Variants in KRT19 observed in about 807,000 individuals in gnomAD.
The protein encoded by KRT19 is keratin 19, also known as keratin, type I cytoskeletal 19.
In KRT19, 21 loss-of-function variants were observed where a neutral mutation model predicts 34.6. The observed-to-expected ratio is 0.61, with a 90% CI of 0.43 to 0.87. The LOEUF (loss-of-function observed/expected upper bound fraction) is 0.87. Ranked by LOEUF, KRT19 falls within the 40% of genes least tolerant of loss-of-function variation. KRT19 has a pLI of 0.00. For missense variants in KRT19, 514 were observed against 545.7 expected (o/e 0.94, Z 0.58); for synonymous variants, 240 against 245.8 (o/e 0.98, Z 0.22).
chr17:41,528,145 T>G lies in KRT19; in HGVS notation c.103A>C (p.Ser35Arg). The G allele has an allele frequency of 1.2e-6, 2 of 1,601,492 alleles. No individual in the cohort carries two copies. Among genetic ancestry groups the G allele is most frequent in the Non-Finnish European group, 8.5e-7 (1 of 1,176,948 alleles). Reference sequence around the variant, plus strand: ...CGGCCGCCGGAGCCCCCGTGAATGCTGGGCGCGCGAAAGGCGACCCCCGGC... The same window carrying G: ...CGGCCGCCGGAGCCCCCGTGAATGCGGGGCGCGCGAAAGGCGACCCCCGGC... Reference protein sequence around the residue: ...FGPGVAFRAPSIHGGSGGRGV... With the variant: ...FGPGVAFRAPRIHGGSGGRGV... Residue 35 changes from serine to arginine, a missense_variant, in exon 1 of 6, where the codon AGC becomes CGC. Coordinates refer to ENST00000361566, the MANE Select transcript of KRT19 (RefSeq NM_002276.5).
rs773869930 is a variant in KRT19, at chr17:41,524,237, TG to T, written c.853del (p.His285ThrfsTer7). On this transcript the variant is annotated frameshift_variant, in exon 5 of 6. Transcript: ENST00000361566. LOFTEE classifies it high-confidence loss of function. ...TEELNREVAG[H>X]TEQLQMSRSE... ...CCTGCTCATCTGGAGCTGCTCCGTG[TG>T]GCCAGCGACCTCCCGGTTCAATTCT... 9.3e-6 allele frequency: 15 copies of T among 1,613,970 alleles called. No homozygotes were observed. The highest frequency in any genetic ancestry group is 1.3e-5 in the Non-Finnish European group (15 of 1,180,008).
intron 2 of KRT19, 64 bp from the exon 3 acceptor site, chr17:41,525,063 T>C: frequency 6.3e-7 from 1 of 1,595,654 alleles, no homozygotes. Context: ...CTTCCCTACC[T>C]CCCCAGAGTT....
At position 41,524,533 on chromosome 17, in the gene KRT19, C is replaced by T. The variant is rs2144534185; in HGVS notation, c.668G>A (p.Ser223Asn). The change falls in exon 4 of 6, where the codon AGT becomes AAT. Residue 223 changes from serine to asparagine, a missense_variant. Transcript: ENST00000361566. ...GCCTCCCACTTGGCCCCTCAGCGTA[C>T]TGATTTCCTGTAAAGATACAGCAGA... is the stretch of plus-strand genomic sequence containing the variant. ...YLKKNHEEEI[S>N]TLRGQVGGQV... 6.2e-7 allele frequency: 1 copy of T among 1,614,046 alleles called. No homozygotes were observed. The highest frequency in any genetic ancestry group is 8.5e-7 in the Non-Finnish European group (1 of 1,179,974).
chr17:41,525,314 A>T, intron 1 of KRT19, 41 bp from the exon 2 acceptor site: 1 of 1,356,740 alleles, frequency 7.4e-7, no homozygotes, highest in Non-Finnish European at 1.1e-6. Context: ...TTCAACACAC[A>T]GGCACTGCCC....
intron 5 of KRT19, 31 bp downstream of exon 5, chr17:41,524,112 A>T: frequency 6.2e-7 from 1 of 1,607,730 alleles, no homozygotes; most frequent in Non-Finnish European, 8.5e-7. Context: ...TGAATTGCAC[A>T]GGGAAGCGGC....
chr17:41,524,354 A>C, intron 4 of KRT19, 25 bp downstream of exon 4: 1 of 1,613,530 alleles, frequency 6.2e-7, no homozygotes, highest in Non-Finnish European at 8.5e-7. Flanking sequence ...TAACCCCCAA[A>C]GGGTGCCTGC....
At position 41,523,655 on chromosome 17, in the gene KRT19, A is replaced by C. The variant is rs904578840; in HGVS notation, c.*88T>G. 1 of 1,362,810 alleles carries C rather than the reference A, an allele frequency of 7.3e-7. No homozygotes were observed. The highest frequency in any genetic ancestry group is 1.0e-6 in the Non-Finnish European group (1 of 983,166). The allele number at this position is 1,362,810 out of a possible 1,614,324, so 84.4% of individuals were successfully genotyped here. ...AAATTTTTATTGGCAGGTCAGGAGAAGAGCCGGGGGTAAGGGTCCCTTCCT... is the reference window on the plus strand; with the variant it reads ...AAATTTTTATTGGCAGGTCAGGAGACGAGCCGGGGGTAAGGGTCCCTTCCT... On this transcript the variant is annotated 3_prime_UTR_variant, in exon 6 of 6. Transcript: ENST00000361566.
intron 1 of KRT19, among the ~76,000 whole-genome samples, chr17:41,525,905 C>T (rs1905845153): frequency 6.6e-6 from 1 of 152,200 alleles, no homozygotes; most frequent in Admixed American, 6.5e-5. Context: ...AGCAGGTCAT[C>T]ACTCATTAGT....
chr17:41,524,319 A>G, intron 4 of KRT19, 51 bp from the exon 5 acceptor site: 1 of 1,611,570 alleles, frequency 6.2e-7, no homozygotes, highest in Non-Finnish European at 8.5e-7. Context: ...ACCTTCGCGT[A>G]GGGAACACAA....
intron 1 of KRT19, among the ~76,000 whole-genome samples, chr17:41,526,424 G>C (rs1905866203): frequency 1.3e-5 from 2 of 149,546 alleles, no homozygotes; most frequent in Admixed American, 6.7e-5. Flanking sequence ...GTAAGGGTGC[G>C]TAGTAAAATG....
At position 41,523,881 on chromosome 17, in the gene KRT19, A is replaced by G. The variant is rs755152931; in HGVS notation, c.1065T>C (p.Asp355=). 11 of 1,614,054 alleles carry G rather than the reference A, an allele frequency of 6.8e-6. No homozygotes were observed. Among genetic ancestry groups the G allele is most frequent in the Non-Finnish European group, 9.3e-6 (11 of 1,180,032 alleles). Residue 355 remains aspartate (D), a synonymous_variant, in exon 6 of 6, where the codon GAT becomes GAC. Transcript: ENST00000361566. ...GGTACTCCTGATTCTGCCGCTCACTATCAGCTCGCACATCGCCCAGCTGGG... is the reference window on the plus strand; with the variant it reads ...GGTACTCCTGATTCTGCCGCTCACTGTCAGCTCGCACATCGCCCAGCTGGG... ...IEAQLGDVRA[D]SERQNQEYQR...
rs1905932770 is a variant in KRT19, at chr17:41,528,061, C to T, written c.187G>A (p.Gly63Ser). The change falls in exon 1 of 6, where the codon GGC becomes AGC. Residue 63 changes from glycine (G) to serine (S), a missense_variant. Physicochemically the swap from Gly to Ser is moderately conservative, Grantham distance 56 (BLOSUM62 0). Coordinates refer to ENST00000361566, the MANE Select transcript of KRT19 (RefSeq NM_002276.5). ...GCGGTCAGGACGCCGCCGTAGCCGC[C>T]GCCGTAGGCCCCCGAGGAGGACGAG... ...VSSSSSGAYGGGYGGVLTASD... is the reference protein window; with the variant it reads ...VSSSSSGAYGSGYGGVLTASD... 6.2e-7 allele frequency: 1 copy of T among 1,609,794 alleles called. No homozygotes were observed. Among genetic ancestry groups the T allele is most frequent in the Admixed American group, 1.7e-5 (1 of 59,892 alleles).
chr17:41,527,742 C>T, intron 1 of KRT19, 86 bp downstream of exon 1: 1 of 1,434,172 alleles, frequency 7.0e-7, no homozygotes, highest in African/African-American at 1.4e-5. Context: ...TCCTGCCCGC[C>T]GCCCCGCCTG....
At position 41,525,617 on chromosome 17, in the gene KRT19, G is replaced by GC. The variant is rs370300972; in HGVS notation, c.421-345dup. The GC allele has an allele frequency of 4.7e-3, 1,255 of 268,948 alleles. 8 individuals are homozygous for GC. Among genetic ancestry groups the GC allele is most frequent in the African/African-American group, 0.019 (845 of 44,832 alleles). 16.7% of individuals were successfully genotyped at this position (268,948 alleles called of 1,614,324 possible). A position where few individuals can be genotyped will look rare whatever the true frequency, so the allele number is the denominator to read the frequency against. On this transcript the variant is annotated intron_variant, in intron 1 of 5. Transcript: ENST00000361566. ...TGGGGGGTAGATTTTGTCTATACCT[G>GC]CCCCCCCCACTATGCGAAGCATATT...
At position 41,528,000 on chromosome 17, in the gene KRT19, G is replaced by C; in HGVS notation, c.248C>G (p.Thr83Ser). The C allele has an allele frequency of 6.2e-7, 1 of 1,613,478 alleles. No homozygotes were observed. The highest frequency in any genetic ancestry group is 1.1e-5 in the South Asian group (1 of 91,058). Residue 83 changes from threonine to serine, a missense_variant, in exon 1 of 6, where the codon ACC (threonine) becomes AGC (serine). Thr to Ser is a moderately conservative substitution (Grantham distance 58, BLOSUM62 1). Transcript: ENST00000361566. ...CAGGCGGTCGTTGAGGTTCTGCATG[G>C]TTAGCTTCTCGTTGCCCGCCAGCAG... is the stretch of plus-strand genomic sequence containing the variant. ...DGLLAGNEKL[T>S]MQNLNDRLAS...
chr17:41,528,017 C>A lies in KRT19; in HGVS notation c.231G>T (p.Ala77=), dbSNP rs145569885. The stretch of plus-strand genomic sequence containing the variant: ...TCTGCATGGTTAGCTTCTCGTTGCC[C>A]GCCAGCAGCCCGTCGGACGCGGTCA... ...GVLTASDGLL[A]GNEKLTMQNL... is the part of the protein sequence containing the mutation. Residue 77 remains alanine (A), a synonymous_variant, in exon 1 of 6, where the codon GCG becomes GCT. Transcript: ENST00000361566. 2.7e-4 allele frequency: 432 copies of A among 1,613,004 alleles called. No homozygotes were observed. The African/African-American group carries it at 5.0e-3, about 19-fold the overall frequency.
Position 41,524,189 on chromosome 17 carries a change from C to T in KRT19, c.902G>A (p.Arg301His), listed in dbSNP as rs541372182. The stretch of plus-strand genomic sequence containing the variant: ...CTCAATCTCAAGACCCTGAAGGGTG[C>T]GCCGCAGGTCAGTAACCTCGGACCT... ...MSRSEVTDLR[R>H]TLQGLEIELQ... Residue 301 changes from arginine to histidine, a missense_variant, in exon 5 of 6, where the codon CGC becomes CAC. Coordinates refer to ENST00000361566, the MANE Select transcript of KRT19 (RefSeq NM_002276.5). 2.2e-5 allele frequency: 36 copies of T among 1,614,082 alleles called. No individual in the cohort carries two copies. The highest frequency in any genetic ancestry group is 8.0e-5 in the African/African-American group (6 of 75,048).
At chr17:41,527,577 A>C (rs1905910812) in intron 1 of KRT19, among the ~76,000 whole-genome samples, 1 of 150,114 alleles carries the variant, frequency 6.7e-6, no homozygotes, top group Admixed American at 6.6e-5. Flanking sequence ...TGCCCCCGCC[A>C]CCTCCAGAGG....
chr17:41,526,112 C>CA (rs945334960), intron 1 of KRT19, among the ~76,000 whole-genome samples: 7 of 152,062 alleles, frequency 4.6e-5, no homozygotes, highest in African/African-American at 1.7e-4. Context: ...GCTGGGACTA[C>CA]AGGCGCCCTC....
Sources: gnomAD v4.1 joint callset for allele counts (sites outside exome capture counted in the v4.1 genomes callset) on GRCh38, gnomAD v4.1.1 for gene constraint, MANE v1.5 for transcripts, NCBI Gene and HGNC (gene_info 2026-07-23, HGNC 2026-07-21) for gene names.